The following USP34 variants were observed in gnomAD, a reference collection of about 807,000 sequenced individuals.
The protein encoded by USP34 is ubiquitin carboxyl-terminal hydrolase 34.
In USP34, 70 loss-of-function variants were observed where a neutral mutation model predicts 460.3. That is an observed-to-expected ratio of 0.15 (90% CI 0.13 to 0.19). The LOEUF is 0.19. USP34 is among the 10% of genes least tolerant of loss of function. USP34 has a pLI of 1.00. For synonymous variants in USP34, 1,647 were observed against 1,405.3 expected (o/e 1.17, Z -3.85); for missense variants, 3,985 against 4,236.2 (o/e 0.94, Z 1.65).
chr2:61,348,706 C>T lies in USP34; in HGVS notation c.1674+50G>A, dbSNP rs142340187. Reference sequence around the variant, plus strand: ...ATATACCCAATTCAAATGATAAACACGCCAGAAAGCCAAAAATGCCTATAA... The same window carrying T: ...ATATACCCAATTCAAATGATAAACATGCCAGAAAGCCAAAAATGCCTATAA... On this transcript the variant is annotated intron_variant, in intron 14 of 79. Transcript: ENST00000398571. The T allele has an allele frequency of 5.8e-5, 91 of 1,577,958 alleles. 1 individual carries two copies. In the African/African-American group the frequency reaches 7.2e-4, roughly 13 times the overall value.
At position 61,206,059 on chromosome 2, in the gene USP34, G is replaced by C. The variant is rs376182538; in HGVS notation, c.9112C>G (p.Leu3038Val). The C allele has an allele frequency of 1.7e-5, 28 of 1,613,638 alleles. No homozygotes were observed. In the African/African-American group the frequency reaches 3.5e-4, roughly 20 times the overall value. ...AGTTCTGGAGGACTATAGGAATTAAGAAGAGTTAACAGTTTATGGGCAAAT... is the reference window on the plus strand; with the variant it reads ...AGTTCTGGAGGACTATAGGAATTAACAAGAGTTAACAGTTTATGGGCAAAT... ...IEFAHKLLTL[L>V]NSYSPPELRN... Residue 3038 changes from leucine (L) to valine (V), a missense_variant, in exon 72 of 80, where the codon CTT (leucine) becomes GTT (valine). Around this residue, in one of 14 missense-constraint regions of USP34, gnomAD observed 275 missense variants for 292.7 expected, o/e 0.94. Transcript: ENST00000398571.
chr2:61,345,022 C>G (rs550190666), intron 15 of USP34, among the ~76,000 whole-genome samples: 1 of 152,268 alleles, frequency 6.6e-6, no homozygotes, highest in South Asian at 2.1e-4. Context: ...CCTGTAATCC[C>G]AGCACTTTGG....
intron 49 of USP34, 44 bp from the exon 50 acceptor site, chr2:61,246,521 C>A (rs1231033955): frequency 3.1e-6 from 4 of 1,310,508 alleles, no homozygotes; most frequent in Non-Finnish European, 4.0e-6. Context: ...CCAAACTTCA[C>A]AACAGTTACT....
intron 1 of USP34, among the ~76,000 whole-genome samples, chr2:61,426,500 G>C (rs1316370977): frequency 2.6e-5 from 4 of 152,074 alleles, no homozygotes; most frequent in Admixed American, 1.3e-4. Flanking sequence ...TACGAGGTGA[G>C]GTGGAAATGG....
At chr2:61,195,440 A>AAGGC (rs1472433089) in intron 75 of USP34, among the ~76,000 whole-genome samples, 1 of 151,646 alleles carries the variant, frequency 6.6e-6, no homozygotes, top group Non-Finnish European at 1.5e-5. Flanking sequence ...TTGGGAGGCC[A>AAGGC]AGGCAGGCAG....
chr2:61,188,414 T>C lies in USP34; in HGVS notation c.10329A>G (p.Arg3443=). 6.2e-7 allele frequency: 1 copy of C among 1,614,198 alleles called. No individual in the cohort carries two copies. The highest frequency in any genetic ancestry group is 8.5e-7 in the Non-Finnish European group (1 of 1,180,024). ...QHAEEQSNNG[R]YDDCKEFKDL... ...CTTTAAATTCTTTACAATCGTCATA[T>C]CTACCATTGTTGGACTGTTCTTCTG... is the stretch of plus-strand genomic sequence containing the variant. Residue 3443 remains arginine (R), a synonymous_variant, in exon 80 of 80, where the codon AGA becomes AGG. Transcript: ENST00000398571.
chr2:61,405,549 C>T (rs1306461663), intron 3 of USP34, among the ~76,000 whole-genome samples, 159 bp downstream of exon 3: 2 of 152,160 alleles, frequency 1.3e-5, no homozygotes, highest in African/African-American at 4.8e-5. Context: ...ATTTTCAGCA[C>T]AAACTGCTGA....
chr2:61,246,387 C>A lies in USP34; in HGVS notation c.6485G>T (p.Gly2162Val). 1 of 1,610,966 alleles carries A rather than the reference C, an allele frequency of 6.2e-7. No individual in the cohort carries two copies. Among genetic ancestry groups the A allele is most frequent in the Non-Finnish European group, 8.5e-7 (1 of 1,178,288 alleles). ...GVTVHTGTAD[G>V]GHYYSFIRDI... Reference sequence around the variant, plus strand: ...TCTGATAAAGCTATAATAGTGTCCACCATCTGCCGTTCCTGTGTGAACAGT... The same window carrying A: ...TCTGATAAAGCTATAATAGTGTCCAACATCTGCCGTTCCTGTGTGAACAGT... Residue 2162 changes from glycine to valine, a missense_variant, in exon 50 of 80, where the codon GGT becomes GTT. Gly to Val is a moderately radical substitution (Grantham distance 109). This residue lies in a region of USP34 where 70 missense variants were observed against 78.1 expected (regional missense o/e 0.90). Transcript: ENST00000398571.
chr2:61,344,421 C>T (rs1387075492), intron 15 of USP34, among the ~76,000 whole-genome samples: 1 of 152,104 alleles, frequency 6.6e-6, no homozygotes, highest in Non-Finnish European at 1.5e-5. Flanking sequence ...AGGCTGCAGT[C>T]TTGATGGACT....
intron 41 of USP34, among the ~76,000 whole-genome samples, chr2:61,275,042 C>T (rs1288857709): frequency 6.6e-6 from 1 of 152,072 alleles, no homozygotes; most frequent in African/African-American, 2.4e-5. Context: ...ATTAGGAGGC[C>T]AAGGCAGAAG....
intron 48 of USP34, among the ~76,000 whole-genome samples, chr2:61,253,187 C>CA (rs1432581547): frequency 2.6e-5 from 4 of 152,180 alleles, no homozygotes; most frequent in Admixed American, 2.6e-4. Context: ...ATAGTAAGAA[C>CA]AAAAATGACT....
chr2:61,342,246 A>G (rs1234416126), intron 16 of USP34, among the ~76,000 whole-genome samples: 2 of 146,440 alleles, frequency 1.4e-5, no homozygotes, highest in East Asian at 4.0e-4. Context: ...GTTTTAACTT[A>G]TATTTACTAG....
chr2:61,401,105 C>G (rs6723886), intron 3 of USP34, among the ~76,000 whole-genome samples: 55,214 of 144,036 alleles, frequency 0.38, 10,524 homozygotes, highest in Admixed American at 0.42. Context: ...GAGCCGAGAT[C>G]GCGCCATTGC....
chr2:61,378,244 C>A (rs10196146), intron 8 of USP34, 119 bp downstream of exon 8: 375,057 of 697,910 alleles, frequency 0.54, 103,175 homozygotes, highest in South Asian at 0.72. Context: ...GAACTGTACA[C>A]AATGTCAAAG....
intron 51 of USP34, among the ~76,000 whole-genome samples, chr2:61,242,896 G>A (rs148205543): frequency 1.8e-4 from 28 of 152,168 alleles, no homozygotes; most frequent in African/African-American, 6.7e-4. Flanking sequence ...TCCCAGGCTG[G>A]AGTGAAATGG....
chr2:61,304,118 G>A (rs1384350703), intron 27 of USP34, among the ~76,000 whole-genome samples: 3 of 151,988 alleles, frequency 2.0e-5, no homozygotes, highest in Admixed American at 6.6e-5. Context: ...GGCTGGTCTC[G>A]ACCTCCTGAC....
At chr2:61,199,494 G>A (rs931764475) in intron 75 of USP34, among the ~76,000 whole-genome samples, 1 of 152,172 alleles carries the variant, frequency 6.6e-6, no homozygotes, top group Non-Finnish European at 1.5e-5. Context: ...AACCTCAGGT[G>A]ATCCACCCAC....
At chr2:61,347,828 A>T (rs763311929) in intron 15 of USP34, 42 bp downstream of exon 15, 2 of 1,593,652 alleles carry the variant, frequency 1.3e-6, no homozygotes, top group Non-Finnish European at 1.7e-6. Flanking sequence ...ATACTTCCCT[A>T]AAGGAAATAT....
At chr2:61,320,913 G>C (rs757262444) in intron 21 of USP34, among the ~76,000 whole-genome samples, 1 of 152,132 alleles carries the variant, frequency 6.6e-6, no homozygotes, top group African/African-American at 2.4e-5. Context: ...GGGAGGATAA[G>C]GCACGAGAAT....
Sources: allele counts gnomAD v4.1 joint callset (sites outside exome capture counted in the v4.1 genomes callset), GRCh38; gene constraint gnomAD v4.1.1; regional missense constraint gnomAD v4.1.1; transcripts MANE v1.5; gene names NCBI Gene and HGNC (gene_info 2026-07-23, HGNC 2026-07-21).